The following TOP3A variants were observed in gnomAD, a reference collection of about 807,000 sequenced individuals.
TOP3A encodes DNA topoisomerase III alpha, also known as DNA topoisomerase 3-alpha.
TOP3A carries 64 observed loss-of-function variants against 111.3 expected under a neutral mutation model. That is an observed-to-expected ratio of 0.57 (90% CI 0.47 to 0.71). The LOEUF is 0.71. Ranked by LOEUF, TOP3A falls within the 30% of genes least tolerant of loss-of-function variation. The pLI, the probability that TOP3A is intolerant of heterozygous loss-of-function variation, is 0.00. For synonymous variants in TOP3A, 484 were observed against 485.1 expected (o/e 1.00, Z 0.03); for missense variants, 1,104 against 1,285.0 (o/e 0.86, Z 2.15).
chr17:18,305,040 C>T, intron 5 of TOP3A, 72 bp downstream of exon 5: 1 of 1,290,722 alleles, frequency 7.7e-7, no homozygotes, highest in Non-Finnish European at 1.1e-6. Flanking sequence ...GGCCCATGTG[C>T]ACATATAAAC....
intron 1 of TOP3A, chr17:18,311,840 T>A (rs1319890855): frequency 6.6e-6 from 1 of 152,064 alleles, no homozygotes; most frequent in Non-Finnish European, 1.5e-5. Flanking sequence ...GGGGAACAGG[T>A]GGTGAGGGAA....
intron 1 of TOP3A, among the ~76,000 whole-genome samples, chr17:18,310,125 G>C (rs1206813400): frequency 1.3e-5 from 2 of 152,060 alleles, no homozygotes; most frequent in Non-Finnish European, 2.9e-5. Context: ...ATATTATTCA[G>C]CCATAAAAAG....
intron 5 of TOP3A, among the ~76,000 whole-genome samples, chr17:18,303,482 C>CG (rs1981365547): frequency 6.6e-6 from 1 of 152,130 alleles, no homozygotes; most frequent in South Asian, 2.1e-4. Context: ...TGGAATGACT[C>CG]GGTGTACAAC....
intron 15 of TOP3A, among the ~76,000 whole-genome samples, chr17:18,284,791 AG>A (rs1172519859): frequency 1.3e-5 from 2 of 152,172 alleles, no homozygotes; most frequent in African/African-American, 2.4e-5. Context: ...GAAAAAAAAA[AG>A]ATAATTAAAA....
chr17:18,277,915 C>G lies in TOP3A; in HGVS notation c.2587G>C (p.Ala863Pro), dbSNP rs1567733529. 2 of 1,613,806 alleles carry G rather than the reference C, an allele frequency of 1.2e-6. No individual in the cohort carries two copies. The highest frequency in any genetic ancestry group is 1.7e-6 in the Non-Finnish European group (2 of 1,180,028). The part of the protein sequence containing the change: ...NPGAGGPPAL[A>P]YRPLGASLGC... ...AGGGAGGCGCCCAGGGGTCTATATG[C>G]CAAGGCAGGAGGCCCTCCTGCTCCC... The change falls in exon 18 of 19, where the codon GCA becomes CCA. Residue 863 changes from alanine to proline, a missense_variant. By Grantham distance (27) the Ala-to-Pro change is conservative (BLOSUM62 -1). Coordinates refer to ENST00000321105, the MANE Select transcript of TOP3A (RefSeq NM_004618.5).
chr17:18,297,749 C>T lies in TOP3A; in HGVS notation c.990+1810G>A, dbSNP rs570998605. Among the ~76,000 whole-genome samples, 27 of 152,176 alleles carry T rather than the reference C, an allele frequency of 1.8e-4. No individual in the cohort carries two copies. The South Asian group carries it at 5.4e-3, about 30-fold the overall frequency. On this transcript the variant is annotated intron_variant, in intron 9 of 18. Transcript: ENST00000321105. Reference sequence around the variant, plus strand: ...GCTCAATGGTGCCCAGGCTGGAGTGCAGTGGCGTGATCTCGGCTCGCTACA... The same window carrying T: ...GCTCAATGGTGCCCAGGCTGGAGTGTAGTGGCGTGATCTCGGCTCGCTACA...
At chr17:18,285,633 A>G in intron 13 of TOP3A, 113 bp from the exon 14 acceptor site, 3 of 765,606 alleles carry the variant, frequency 3.9e-6, no homozygotes, top group South Asian at 1.7e-5. Flanking sequence ...CAGCCTATGC[A>G]GGTAAGATGC....
chr17:18,280,657 A>G lies in TOP3A; in HGVS notation c.2023T>C (p.Phe675Leu). The stretch of plus-strand genomic sequence containing the variant: ...GGGAAACCCATGCAGCTGAGGTAGA[A>G]CCTGGGGACAAAGTGCCATGTCAGA... ...MVLKTKKNGG[F>L]YLSCMGFPEC... Residue 675 changes from phenylalanine to leucine, a missense_variant and splice_region_variant, in exon 17 of 19, where the codon TTC becomes CTC. By Grantham distance (22) the Phe-to-Leu change is conservative. Coordinates refer to ENST00000321105, the MANE Select transcript of TOP3A (RefSeq NM_004618.5). 6.2e-7 allele frequency: 1 copy of G among 1,613,938 alleles called. No individual in the cohort carries two copies. Among genetic ancestry groups the G allele is most frequent in the East Asian group, 2.2e-5 (1 of 44,872 alleles).
intron 13 of TOP3A, 114 bp from the exon 14 acceptor site, chr17:18,285,634 G>A (rs1159129780): frequency 2.6e-6 from 2 of 758,338 alleles, no homozygotes; most frequent in African/African-American, 1.8e-5. Context: ...AGCCTATGCA[G>A]GTAAGATGCC....
intron 2 of TOP3A, 106 bp from the exon 3 acceptor site, chr17:18,308,530 A>G: frequency 1.4e-6 from 1 of 740,514 alleles, no homozygotes; most frequent in Non-Finnish European, 2.2e-6. Flanking sequence ...ATTTTTAAAA[A>G]CCTGATTGGG....
chr17:18,282,582 C>A, intron 16 of TOP3A, 116 bp downstream of exon 16: 1 of 1,460,726 alleles, frequency 6.8e-7, no homozygotes, highest in Non-Finnish European at 9.3e-7. Flanking sequence ...TGCAGGTTGG[C>A]AACAACAGGC....
intron 8 of TOP3A, 91 bp from the exon 9 acceptor site, chr17:18,299,724 C>A: frequency 8.3e-7 from 1 of 1,204,474 alleles, no homozygotes; most frequent in South Asian, 1.2e-5. Flanking sequence ...CCTTCTAGAT[C>A]ACACTGACCA....
At chr17:18,288,153 T>TATATAAA (rs1567739499) in intron 13 of TOP3A, among the ~76,000 whole-genome samples, 80 of 79,772 alleles carry the variant, frequency 1.0e-3, no homozygotes, top group Middle Eastern at 0.013. Context: ...ATATATAAAT[T>TATATAAA]TTTTTTTTTT....
At chr17:18,300,848 A>G (rs1464628150) in intron 8 of TOP3A, among the ~76,000 whole-genome samples, 1 of 152,136 alleles carries the variant, frequency 6.6e-6, no homozygotes, top group Non-Finnish European at 1.5e-5. Flanking sequence ...GGAGTGAGAG[A>G]GAGATGGAGA....
At position 18,283,876 on chromosome 17, in the gene TOP3A, T is replaced by TA. The variant is rs568684697; in HGVS notation, c.1878-1036_1878-1035insT. Among the ~76,000 whole-genome samples, 7 of 152,312 alleles carry TA rather than the reference T, an allele frequency of 4.6e-5. No individual in the cohort carries two copies. The South Asian group carries it at 1.2e-3, about 27-fold the overall frequency. ...CAAAGGATCCAGGTGAATACCCAGATGGAAGCAATGCACAGGGCAAGGGAT... is the reference window on the plus strand; with the variant it reads ...CAAAGGATCCAGGTGAATACCCAGATAGGAAGCAATGCACAGGGCAAGGGAT... On this transcript the variant is annotated intron_variant, in intron 15 of 18. Coordinates refer to ENST00000321105, the MANE Select transcript of TOP3A (RefSeq NM_004618.5).
intron 11 of TOP3A, 105 bp from the exon 12 acceptor site, chr17:18,291,132 A>G: frequency 8.6e-7 from 1 of 1,160,766 alleles, no homozygotes; most frequent in Non-Finnish European, 1.2e-6. Flanking sequence ...AAGAGGCCAC[A>G]CTGCTCCTCA....
rs149596894 is a variant in TOP3A, at chr17:18,278,232, G to A, written c.2270C>T (p.Pro757Leu). The change falls in exon 18 of 19, where the codon CCC (proline) becomes CTC (leucine). Residue 757 changes from proline (P) to leucine (L), a missense_variant. Physicochemically the swap from Pro to Leu is moderately conservative, Grantham distance 98. Coordinates refer to ENST00000321105, the MANE Select transcript of TOP3A (RefSeq NM_004618.5). ...GCGGCCAGAGGGCTGGCTAGCCCTG[G>A]GGGGGCCCCCTGAAAATCTCAGGTC... Reference protein sequence around the residue: ...ILDLRFSGGPPRASQPSGRLQ... With the variant: ...ILDLRFSGGPLRASQPSGRLQ... 2.5e-3 allele frequency: 3,908 copies of A among 1,580,298 alleles called. 14 individuals are homozygous for A. The highest frequency in any genetic ancestry group is 3.0e-3 in the Non-Finnish European group (3,518 of 1,161,692).
At chr17:18,288,148 T>TATAA (rs1292446447) in intron 13 of TOP3A, among the ~76,000 whole-genome samples, 1 of 132,260 alleles carries the variant, frequency 7.6e-6, no homozygotes, top group Non-Finnish European at 1.6e-5. Flanking sequence ...TATATATATA[T>TATAA]AAATTTTTTT....
intron 9 of TOP3A, among the ~76,000 whole-genome samples, chr17:18,297,044 T>C (rs1161241289): frequency 4.6e-5 from 7 of 152,256 alleles, no homozygotes; most frequent in South Asian, 2.1e-4. Context: ...CTAGTAATTA[T>C]GTAAGGATGG....
Sources: gnomAD v4.1 joint callset for allele counts (sites outside exome capture counted in the v4.1 genomes callset) on GRCh38, gnomAD v4.1.1 for gene constraint, MANE v1.5 for transcripts, NCBI Gene and HGNC (gene_info 2026-07-23, HGNC 2026-07-21) for gene names.